The following GRXCR1 variants were observed in gnomAD, a reference collection of about 807,000 sequenced individuals.
GRXCR1 encodes the protein glutaredoxin and cysteine rich domain containing 1, also known as glutaredoxin domain-containing cysteine-rich protein 1.
Under a neutral mutation model 27.3 loss-of-function variants are expected in GRXCR1, and 27 were observed. The ratio of observed to expected loss-of-function variants is 0.99; its 90% CI spans 0.73 to 1.37. GRXCR1 has a LOEUF of 1.37. Among genes scored for constraint, GRXCR1 ranks in the 40% most tolerant of loss-of-function variants. The pLI is 0.00. For synonymous variants in GRXCR1, 122 were observed against 131.1 expected, an observed-to-expected ratio of 0.93 and a Z score of 0.47; for missense variants, 379 against 354.4, an observed-to-expected ratio of 1.07 and a Z score of -0.56.
chr4:42,986,530 A>G (rs895767852), intron 2 of GRXCR1, among the ~76,000 whole-genome samples: 12 of 152,100 alleles, frequency 7.9e-5, no homozygotes, highest in Admixed American at 3.3e-4. Flanking sequence ...AGATTTCTTC[A>G]AGCTTTCTTT....
At chr4:43,009,667 A>G (rs1712675979) in intron 2 of GRXCR1, among the ~76,000 whole-genome samples, 1 of 152,148 alleles carries the variant, frequency 6.6e-6, no homozygotes, top group Non-Finnish European at 1.5e-5. Flanking sequence ...ATCACATGGT[A>G]GAAGGCACAA....
chr4:42,922,577 A>G (rs1009898500), intron 1 of GRXCR1, among the ~76,000 whole-genome samples: 6 of 152,052 alleles, frequency 3.9e-5, no homozygotes, highest in Admixed American at 6.6e-5. Context: ...TCAGATATGT[A>G]TGTCCCCATG....
intron 2 of GRXCR1, among the ~76,000 whole-genome samples, chr4:43,002,330 G>A (rs1304567418): frequency 6.6e-6 from 1 of 152,274 alleles, no homozygotes; most frequent in Non-Finnish European, 1.5e-5. Flanking sequence ...GGTCCCTGCG[G>A]CTTTCCACAG....
chr4:42,919,223 C>T (rs191653486), intron 1 of GRXCR1, among the ~76,000 whole-genome samples: 1 of 152,236 alleles, frequency 6.6e-6, no homozygotes, highest in Admixed American at 6.5e-5. Flanking sequence ...GCCTGTCAGA[C>T]AGTCATGCCT....
intron 2 of GRXCR1, among the ~76,000 whole-genome samples, chr4:42,974,356 A>G (rs1049586214): frequency 6.6e-6 from 1 of 152,164 alleles, no homozygotes; most frequent in African/African-American, 2.4e-5. Flanking sequence ...ACCTGAAAGA[A>G]AACCTCAAAG....
chr4:42,958,495 C>A (rs1307709884), intron 1 of GRXCR1, among the ~76,000 whole-genome samples: 1 of 151,836 alleles, frequency 6.6e-6, no homozygotes, highest in African/African-American at 2.4e-5. Context: ...TCACCCCTGG[C>A]AAGAATTTTT....
chr4:42,897,623 T>C (rs958875090), intron 1 of GRXCR1, among the ~76,000 whole-genome samples: 27 of 152,184 alleles, frequency 1.8e-4, no homozygotes, highest in African/African-American at 6.5e-4. Flanking sequence ...AGTATGTTTG[T>C]GGAAAAACCT....
At chr4:42,914,535 T>G (rs1746842274) in intron 1 of GRXCR1, among the ~76,000 whole-genome samples, 1 of 152,202 alleles carries the variant, frequency 6.6e-6, no homozygotes, top group Non-Finnish European at 1.5e-5. Context: ...TAACTTGCTT[T>G]TGATTTTACA....
At chr4:42,925,420 AT>A (rs1274920207) in intron 1 of GRXCR1, among the ~76,000 whole-genome samples, 1 of 152,046 alleles carries the variant, frequency 6.6e-6, no homozygotes, top group Admixed American at 6.6e-5. Flanking sequence ...GAGGCATTTT[AT>A]AAAGTGCATC....
chr4:42,894,017 T>C (rs1746294377), intron 1 of GRXCR1, among the ~76,000 whole-genome samples: 1 of 152,174 alleles, frequency 6.6e-6, no homozygotes, highest in Non-Finnish European at 1.5e-5. Flanking sequence ...GAAATACCAG[T>C]GTAGCATTTA....
At chr4:42,920,916 CA>C (rs1478829551) in intron 1 of GRXCR1, among the ~76,000 whole-genome samples, 2 of 136,112 alleles carry the variant, frequency 1.5e-5, no homozygotes, top group Admixed American at 7.0e-5. Flanking sequence ...ATGCGGCTAT[CA>C]TTCAAGTTCA....
chr4:42,902,797 T>G (rs1256253238), intron 1 of GRXCR1, among the ~76,000 whole-genome samples: 1 of 152,168 alleles, frequency 6.6e-6, no homozygotes, highest in African/African-American at 2.4e-5. Context: ...TAATTACCTA[T>G]GCAGCAAACC....
chr4:42,976,628 C>G (rs1363328917), intron 2 of GRXCR1, among the ~76,000 whole-genome samples: 6 of 151,870 alleles, frequency 4.0e-5, no homozygotes, highest in Non-Finnish European at 8.8e-5. Context: ...CCATAGATAA[C>G]CAATCTCAAA....
intron 1 of GRXCR1, among the ~76,000 whole-genome samples, chr4:42,949,982 A>G (rs1747844178): frequency 6.6e-6 from 1 of 152,226 alleles, no homozygotes; most frequent in African/African-American, 2.4e-5. Context: ...CAGGTATTTC[A>G]ACCCGTAAAG....
intron 1 of GRXCR1, among the ~76,000 whole-genome samples, chr4:42,924,460 T>C (rs1747097828): frequency 1.3e-5 from 2 of 151,914 alleles, no homozygotes; most frequent in Admixed American, 6.6e-5. Context: ...GCTCAGAAAA[T>C]TTACATAATC....
At chr4:42,967,673 G>A (rs957830659) in intron 2 of GRXCR1, among the ~76,000 whole-genome samples, 1 of 151,950 alleles carries the variant, frequency 6.6e-6, no homozygotes, top group African/African-American at 2.4e-5. Context: ...CACATATTGT[G>A]AATTTTACCT....
chr4:42,926,487 G>A (rs1239834802), intron 1 of GRXCR1, among the ~76,000 whole-genome samples: 2 of 146,150 alleles, frequency 1.4e-5, no homozygotes, highest in Non-Finnish European at 3.1e-5. Context: ...ACAGATTTGG[G>A]AATACTGTTT....
intron 2 of GRXCR1, among the ~76,000 whole-genome samples, chr4:42,974,476 C>T (rs1362741170): frequency 2.0e-5 from 3 of 152,104 alleles, no homozygotes; most frequent in African/African-American, 7.2e-5. Flanking sequence ...TGGTACCAAA[C>T]AGCTATGATG....
intron 2 of GRXCR1, among the ~76,000 whole-genome samples, chr4:42,971,015 C>A (rs890442265): frequency 6.6e-6 from 1 of 152,108 alleles, no homozygotes; most frequent in African/African-American, 2.4e-5. Context: ...ATTTCTTCTG[C>A]CCGGATACCC....
Sources: allele counts gnomAD v4.1 joint callset (sites outside exome capture counted in the v4.1 genomes callset), GRCh38; gene constraint gnomAD v4.1.1; transcripts MANE v1.5; gene names NCBI Gene and HGNC (gene_info 2026-07-23, HGNC 2026-07-21).